The following NFYA variants were observed in gnomAD, a reference collection of about 807,000 sequenced individuals.
NFYA encodes CAAT-box DNA binding protein subunit A.
In NFYA, 28 loss-of-function variants were observed where a neutral mutation model predicts 52.8. The observed-to-expected ratio is 0.53, with a 90% CI of 0.39 to 0.73. The LOEUF (loss-of-function observed/expected upper bound fraction) is 0.73, where lower values mean the gene tolerates loss of function less well. Ranked by LOEUF, NFYA falls within the 30% of genes least tolerant of loss-of-function variation. The pLI, the probability that NFYA is intolerant of heterozygous loss-of-function variation, is 0.00. For missense variants in NFYA, 234 were observed against 427.0 expected, an observed-to-expected ratio of 0.55 and a Z score of 3.98; for synonymous variants, 150 against 150.7, an observed-to-expected ratio of 1.00 and a Z score of 0.03.
At chr6:41,074,771 T>C (rs1763687266) in intron 1 of NFYA, among the ~76,000 whole-genome samples, 1 of 152,214 alleles carries the variant, frequency 6.6e-6, no homozygotes, top group Non-Finnish European at 1.5e-5. Flanking sequence ...TAGAGCTATA[T>C]TTTTTCCTAA....
chr6:41,084,963 A>C (rs1241369167), intron 4 of NFYA, among the ~76,000 whole-genome samples: 1 of 152,242 alleles, frequency 6.6e-6, no homozygotes, highest in Non-Finnish European at 1.5e-5. Context: ...TCTGTCTCAA[A>C]AAAAAAGAAG....
At chr6:41,078,684 A>G (rs1039929040) in intron 1 of NFYA, among the ~76,000 whole-genome samples, 1 of 152,216 alleles carries the variant, frequency 6.6e-6, no homozygotes, top group Non-Finnish European at 1.5e-5. Flanking sequence ...AAGAAGCTTT[A>G]TTCTCTAAAG....
intron 9 of NFYA, among the ~76,000 whole-genome samples, chr6:41,095,329 G>T (rs1336787387): frequency 6.6e-6 from 1 of 152,072 alleles, no homozygotes; most frequent in East Asian, 1.9e-4. Context: ...CCTGCCACGG[G>T]TCTTTGTCCT....
intron 1 of NFYA, among the ~76,000 whole-genome samples, chr6:41,075,913 AAC>A (rs1196710680): frequency 6.6e-6 from 1 of 152,210 alleles, no homozygotes; most frequent in Non-Finnish European, 1.5e-5. Flanking sequence ...AAACCTTCAG[AAC>A]AGTGTCTGGC....
chr6:41,074,271 C>T (rs962227765), intron 1 of NFYA, among the ~76,000 whole-genome samples: 3 of 152,118 alleles, frequency 2.0e-5, no homozygotes, highest in Non-Finnish European at 4.4e-5. Context: ...TGGGGTTTTC[C>T]TTAGGGTGAG....
intron 7 of NFYA, 106 bp from the exon 8 acceptor site, chr6:41,092,806 T>A: frequency 1.7e-6 from 2 of 1,165,848 alleles, no homozygotes; most frequent in African/African-American, 1.5e-5. Context: ...CTATAAAAAT[T>A]ACTTTTTGTG....
At chr6:41,096,921 T>C (rs1483877903) in intron 9 of NFYA, among the ~76,000 whole-genome samples, 1 of 152,180 alleles carries the variant, frequency 6.6e-6, no homozygotes, top group Non-Finnish European at 1.5e-5. Context: ...TACATTAAAG[T>C]GTATAGATTC....
chr6:41,089,876 T>C (rs1764154720), intron 5 of NFYA, among the ~76,000 whole-genome samples, 166 bp downstream of exon 5: 1 of 152,166 alleles, frequency 6.6e-6, no homozygotes, highest in Non-Finnish European at 1.5e-5. Context: ...TCCCAGCACT[T>C]TGAGAGGCCG....
intron 1 of NFYA, among the ~76,000 whole-genome samples, chr6:41,076,451 T>C (rs1763734914): frequency 2.0e-5 from 3 of 152,240 alleles, no homozygotes; most frequent in African/African-American, 4.8e-5. Context: ...TTATCAACTG[T>C]GATAATCCTA....
intron 9 of NFYA, among the ~76,000 whole-genome samples, chr6:41,096,581 C>T (rs1764362657): frequency 6.6e-6 from 1 of 152,216 alleles, no homozygotes; most frequent in South Asian, 2.1e-4. Flanking sequence ...TGTTTTTGCT[C>T]ATTGTTCAAG....
intron 3 of NFYA, among the ~76,000 whole-genome samples, chr6:41,081,392 G>C (rs1052877486): frequency 2.6e-5 from 4 of 151,950 alleles, no homozygotes; most frequent in Non-Finnish European, 5.9e-5. Flanking sequence ...TGGGAGGCTG[G>C]AGCAGGAGAA....
intron 9 of NFYA, among the ~76,000 whole-genome samples, chr6:41,096,209 C>A (rs184733339): frequency 1.4e-4 from 22 of 152,248 alleles, no homozygotes; most frequent in African/African-American, 5.3e-4. Flanking sequence ...GCCTTATCAC[C>A]CCCTCAACAA....
rs1374964530 is a variant in NFYA at position 41,099,322 on chromosome 6, C to T, written c.*1912C>T. On this transcript the variant is annotated 3_prime_UTR_variant, in exon 10 of 10. Transcript: ENST00000341376. ...ATTTAGGAGTCTAAGATGCAGAGTTCAGAAAGAAATTACTCAGACCTAACT... is the reference window on the plus strand; with the variant it reads ...ATTTAGGAGTCTAAGATGCAGAGTTTAGAAAGAAATTACTCAGACCTAACT... 1 of 152,196 alleles carries T rather than the reference C, an allele frequency of 6.6e-6. No individual in the cohort carries two copies. Among genetic ancestry groups the T allele is most frequent in the East Asian group, 1.9e-4 (1 of 5,200 alleles). 9.4% of individuals were successfully genotyped at this position (152,196 alleles called of 1,614,324 possible). A position where few individuals can be genotyped will look rare whatever the true frequency, so the allele number is the denominator to read the frequency against.
intron 2 of NFYA, among the ~76,000 whole-genome samples, chr6:41,079,569 T>C (rs1277155932): frequency 6.6e-6 from 1 of 152,206 alleles, no homozygotes; most frequent in African/African-American, 2.4e-5. Flanking sequence ...GTCTGCCACA[T>C]TTTTTATTCA....
rs1705664604 is a variant in NFYA at position 41,100,037 on chromosome 6, A to G, written c.*2627A>G. 1 of 152,126 alleles carries G rather than the reference A, an allele frequency of 6.6e-6. No individual in the cohort carries two copies. Among genetic ancestry groups the G allele is most frequent in the Non-Finnish European group, 1.5e-5 (1 of 68,018 alleles). The allele number at this position is 152,126 out of a possible 1,614,324, so 9.4% of individuals were successfully genotyped here. ...TTCTAGTTTGTGTTTCCAGTGTTGA[A>G]ATTTTGATCTCCCCCGACAAGACTT... is the stretch of plus-strand genomic sequence containing the variant. On this transcript the variant is annotated 3_prime_UTR_variant, in exon 10 of 10. Transcript: ENST00000341376.
chr6:41,098,406 A>T lies in NFYA; in HGVS notation c.*996A>T, dbSNP rs767096652. The T allele has an allele frequency of 6.6e-6, 1 of 152,240 alleles. No individual in the cohort carries two copies. Among genetic ancestry groups the T allele is most frequent in the Non-Finnish European group, 1.5e-5 (1 of 68,072 alleles). 9.4% of individuals were successfully genotyped at this position (152,240 alleles called of 1,614,324 possible). A position where few individuals can be genotyped will look rare whatever the true frequency, so the allele number is the denominator to read the frequency against. On this transcript the variant is annotated 3_prime_UTR_variant, in exon 10 of 10. Coordinates refer to ENST00000341376, the MANE Select transcript of NFYA (RefSeq NM_002505.5). ...AGAGGAAGAGAGAGAGAGAGCATGT[A>T]TACCCGTATGTTATCATAGAGCACG...
At chr6:41,090,891 A>C (rs1764182139) in intron 6 of NFYA, among the ~76,000 whole-genome samples, 1 of 152,256 alleles carries the variant, frequency 6.6e-6, no homozygotes, top group Non-Finnish European at 1.5e-5. Context: ...CTGTTAGTCA[A>C]ATAGTTAAAT....
rs1412577344 is a variant in NFYA, at chr6:41,074,015, A to C, written c.-62+931A>C. 4.0e-5 allele frequency among the ~76,000 whole-genome samples: 6 copies of C among 151,758 alleles called. No individual in the cohort carries two copies. In the South Asian group the frequency reaches 6.2e-4, roughly 16 times the overall value. On this transcript the variant is annotated intron_variant, in intron 1 of 9. Transcript: ENST00000341376. ...TGATACCCTTGCGCATTCTTTCCGG[A>C]GGCTGCACAACTTGCTGTTCATATT...
chr6:41,088,983 A>G (rs1764122154), intron 4 of NFYA, among the ~76,000 whole-genome samples: 2 of 151,448 alleles, frequency 1.3e-5, no homozygotes, highest in South Asian at 4.2e-4. Flanking sequence ...TTTAGAGTGT[A>G]TTTTATTTTT....
Sources: gnomAD v4.1 joint callset for allele counts (sites outside exome capture counted in the v4.1 genomes callset) on GRCh38, gnomAD v4.1.1 for gene constraint, MANE v1.5 for transcripts, NCBI Gene and HGNC (gene_info 2026-07-23, HGNC 2026-07-21) for gene names.